The following TRPM3 variants were observed in gnomAD, a reference collection of about 807,000 sequenced individuals.
The protein encoded by TRPM3 is transient receptor potential cation channel subfamily M member 3.
A neutral mutation model predicts 181.2 loss-of-function variants in TRPM3; 77 were observed. The observed-to-expected ratio is 0.42, with a 90% confidence interval of 0.35 to 0.51. The LOEUF (loss-of-function observed/expected upper bound fraction) is 0.51, where lower values mean the gene tolerates loss of function less well. Ranked by LOEUF, TRPM3 falls within the 20% of genes least tolerant of loss-of-function variation. The probability of loss-of-function intolerance (pLI) is 0.01; values close to 1 mark genes in which losing one functional copy is unlikely to be tolerated. For synonymous variants in TRPM3, 745 were observed against 796.4 expected (o/e 0.94, Z 1.09); for missense variants, 1,759 against 2,196.7 (o/e 0.80, Z 3.98).
At chr9:70,874,937 T>C (rs2095846950) in intron 1 of TRPM3, among the ~76,000 whole-genome samples, 1 of 151,974 alleles carries the variant, frequency 6.6e-6, no homozygotes, top group Non-Finnish European at 1.5e-5. Flanking sequence ...TATTTTTATT[T>C]TCTTTATTAT....
chr9:71,200,510 G>A (rs1269614982), intron 1 of TRPM3, among the ~76,000 whole-genome samples: 1 of 151,880 alleles, frequency 6.6e-6, no homozygotes, highest in Non-Finnish European at 1.5e-5. Flanking sequence ...GGGAGTCTAA[G>A]TCTCTTCGTA....
At chr9:70,877,088 T>C (rs1694826539) in intron 1 of TRPM3, among the ~76,000 whole-genome samples, 3 of 152,036 alleles carry the variant, frequency 2.0e-5, no homozygotes, top group South Asian at 4.1e-4. Flanking sequence ...TCATAACAAA[T>C]AGTTTTATTA....
intron 1 of TRPM3, among the ~76,000 whole-genome samples, chr9:71,141,496 T>C (rs1308892295): frequency 6.6e-6 from 1 of 152,206 alleles, no homozygotes; most frequent in East Asian, 1.9e-4. Flanking sequence ...TTCAAAGTAA[T>C]ATAGACTTTT....
At chr9:70,813,131 C>T (rs1403709186) in intron 6 of TRPM3, among the ~76,000 whole-genome samples, 2 of 152,172 alleles carry the variant, frequency 1.3e-5, no homozygotes, top group African/African-American at 2.4e-5. Context: ...GCTTTCCTAT[C>T]TGCAAGATGA....
intron 6 of TRPM3, among the ~76,000 whole-genome samples, chr9:70,794,044 T>A (rs952042870): frequency 6.6e-6 from 1 of 152,142 alleles, no homozygotes; most frequent in Non-Finnish European, 1.5e-5. Context: ...TGGAGCAGCG[T>A]CTGTACTTGG....
chr9:71,336,850 G>T (rs2090591384), intron 1 of TRPM3, among the ~76,000 whole-genome samples: 1 of 152,042 alleles, frequency 6.6e-6, no homozygotes. Context: ...CAAGCAATGG[G>T]GAAAGGATTC....
intron 18 of TRPM3, among the ~76,000 whole-genome samples, chr9:70,612,922 G>A (rs982104938): frequency 1.3e-5 from 2 of 152,198 alleles, no homozygotes; most frequent in African/African-American, 2.4e-5. Context: ...GCATCTTGGA[G>A]AGTGGCATTT....
At chr9:70,932,452 C>A (rs1047964934) in intron 1 of TRPM3, among the ~76,000 whole-genome samples, 1 of 152,018 alleles carries the variant, frequency 6.6e-6, no homozygotes, top group Admixed American at 6.6e-5. Context: ...TACTTTGGAG[C>A]TTAAGATCTC....
chr9:70,783,151 AT>A (rs2082828132), intron 7 of TRPM3, among the ~76,000 whole-genome samples: 1 of 152,138 alleles, frequency 6.6e-6, no homozygotes, highest in South Asian at 2.1e-4. Flanking sequence ...GTGGCAATTA[AT>A]TGTACGTTTT....
chr9:70,564,098 T>C (rs2049895486), intron 22 of TRPM3, among the ~76,000 whole-genome samples: 1 of 152,126 alleles, frequency 6.6e-6, no homozygotes, highest in Non-Finnish European at 1.5e-5. Flanking sequence ...AGAGGGAAGC[T>C]CTGGGAAGGG....
At chr9:71,053,677 G>A (rs1031177470) in intron 1 of TRPM3, among the ~76,000 whole-genome samples, 1 of 152,106 alleles carries the variant, frequency 6.6e-6, no homozygotes, top group Non-Finnish European at 1.5e-5. Flanking sequence ...ACTGTCTCCT[G>A]GTGACATGGA....
chr9:70,811,086 G>T, intron 6 of TRPM3: 1 of 1,118,630 alleles, frequency 8.9e-7, no homozygotes, highest in Non-Finnish European at 1.3e-6. Context: ...ATACTGTTAG[G>T]AAATTATAAA....
At chr9:70,635,322 A>G (rs948055535) in intron 11 of TRPM3, 61 bp from the exon 12 acceptor site, 13 of 1,492,562 alleles carry the variant, frequency 8.7e-6, no homozygotes, top group South Asian at 1.1e-5. Context: ...TTGGCAAGAC[A>G]AGAAGGATCT....
chr9:71,344,270 C>T (rs112802701), intron 1 of TRPM3, among the ~76,000 whole-genome samples: 3,127 of 151,974 alleles, frequency 0.021, 50 homozygotes, highest in Middle Eastern at 0.065. Context: ...GCCAAAATGG[C>T]GAAACCCTGT....
chr9:71,387,062 T>A (rs149520618), intron 1 of TRPM3, among the ~76,000 whole-genome samples: 1 of 152,322 alleles, frequency 6.6e-6, no homozygotes, highest in African/African-American at 2.4e-5. Flanking sequence ...TAAGAATAAG[T>A]TAGGTCAAAT....
intron 1 of TRPM3, among the ~76,000 whole-genome samples, chr9:71,310,909 C>G (rs2087865429): frequency 1.3e-5 from 2 of 151,872 alleles, no homozygotes; most frequent in Admixed American, 1.3e-4. Flanking sequence ...TGACAGTTAA[C>G]TAAGAGATGA....
rs777955157 is a variant in TRPM3 at position 70,536,287 on chromosome 9, C to T, written c.4826G>A (p.Ser1609Asn). The T allele has an allele frequency of 2.5e-6, 4 of 1,614,222 alleles. No homozygotes were observed. Among genetic ancestry groups the T allele is most frequent in the Admixed American group, 3.3e-5 (2 of 60,032 alleles). ...EAELSHPSSD[S>N]EENEAKGRRA... ...GCGGCCTTTGGCCTCATTCTCCTCA[C>T]TGTCAGAGCTGGGGTGACTCAGTTC... The change falls in exon 26 of 26, where the codon AGT becomes AAT. Residue 1609 changes from serine to asparagine, a missense_variant. By Grantham distance (46) the Ser-to-Asn change is conservative. Transcript: ENST00000677713.
At chr9:70,578,147 T>C (rs1178904156) in intron 22 of TRPM3, among the ~76,000 whole-genome samples, 2 of 152,184 alleles carry the variant, frequency 1.3e-5, no homozygotes, top group Non-Finnish European at 2.9e-5. Context: ...TCAGTAAATA[T>C]AACTATTGAA....
chr9:71,188,139 G>A lies in TRPM3; in HGVS notation c.183+258514C>T, dbSNP rs2077796275. On this transcript the variant is annotated intron_variant, in intron 1 of 24. Coordinates refer to the TRPM3 transcript ENST00000357533. The stretch of plus-strand genomic sequence containing the variant: ...CTGTCTATACAATACACTTCTGGAA[G>A]GAGACGTCCTAAATAACACTTTTGC... Among the ~76,000 whole-genome samples the A allele has an allele frequency of 3.3e-5, 5 of 151,942 alleles. 2 individuals are homozygous for A. The Middle Eastern group carries it at 0.017, about 517-fold the overall frequency.
Sources: allele counts gnomAD v4.1 joint callset (sites outside exome capture counted in the v4.1 genomes callset), GRCh38; gene constraint gnomAD v4.1.1; transcripts MANE v1.5; gene names NCBI Gene and HGNC (gene_info 2026-07-23, HGNC 2026-07-21).